LCT: variants seen among roughly 807,000 people sequenced by gnomAD.
The protein encoded by LCT is lactase/phlorizin hydrolase.
In LCT, 90 loss-of-function variants were observed where a neutral mutation model predicts 173.0. That is an observed-to-expected ratio of 0.52 (90% confidence interval 0.44 to 0.62). The LOEUF (loss-of-function observed/expected upper bound fraction) is 0.62, where lower values mean the gene tolerates loss of function less well. Among genes scored for constraint, LCT ranks in the 20% least tolerant of loss-of-function variants. LCT has a pLI of 0.00. For synonymous variants in LCT, 853 were observed against 957.6 expected (o/e 0.89, Z 2.02); for missense variants, 1,864 against 2,431.4 (o/e 0.77, Z 4.91).
chr2:135,821,855 C>A, intron 5 of LCT, 165 bp downstream of exon 5: 1 of 630,722 alleles, frequency 1.6e-6, no homozygotes, highest in South Asian at 1.8e-5. Context: ...GTAAGAGACT[C>A]CCTACTTTCT....
chr2:135,836,977 G>A lies in LCT; in HGVS notation c.193C>T (p.His65Tyr). 3.1e-6 allele frequency: 5 copies of A among 1,614,132 alleles called. No homozygotes were observed. Among genetic ancestry groups the A allele is most frequent in the Non-Finnish European group, 4.2e-6 (5 of 1,179,982 alleles). Residue 65 changes from histidine (H) to tyrosine (Y), a missense_variant, in exon 1 of 17, where the codon CAC (histidine) becomes TAC (tyrosine). By Grantham distance (83) the His-to-Tyr change is moderately conservative. This residue lies in a region of LCT where 412 missense variants were observed against 462.0 expected (regional missense o/e 0.89). Coordinates refer to ENST00000264162, the MANE Select transcript of LCT (RefSeq NM_002299.4). The part of the protein sequence containing the change: ...VAGDKDMYVC[H>Y]QPLPTFLPEY... ...GGCAGGAAAGTGGGCAGTGGCTGGT[G>A]ACAAACATACATGTCTTTGTCCCCT...
chr2:135,795,017 ACACACACACGCACCCACGCGCGCGCGCG>A (rs1027105525), intron 13 of LCT, among the ~76,000 whole-genome samples: 2 of 131,004 alleles, frequency 1.5e-5, no homozygotes, highest in Admixed American at 1.7e-4. Flanking sequence ...CTGAAGGACC[ACACACACACGCACCCACGCGCGCGCGCG>A]CACACACACA....
rs745390909 is a variant in LCT at position 135,808,836 on chromosome 2, T to C, written c.3511A>G (p.Lys1171Glu). Reference sequence around the variant, plus strand: ...TGCAGTTCACTCCTGTTCCCCACTTTCCACTTCATGGTGTCAGGATAGTCT... The same window carrying C: ...TGCAGTTCACTCCTGTTCCCCACTTCCCACTTCATGGTGTCAGGATAGTCT... Reference protein sequence around the residue: ...NGDYPDTMKWKVGNRSELQHL... With the variant: ...NGDYPDTMKWEVGNRSELQHL... The change falls in exon 8 of 17, where the codon AAA becomes GAA. Residue 1171 changes from lysine (K) to glutamate (E), a missense_variant. Transcript: ENST00000264162. 1.9e-6 allele frequency: 3 copies of C among 1,614,180 alleles called. No homozygotes were observed. The highest frequency in any genetic ancestry group is 2.5e-6 in the Non-Finnish European group (3 of 1,180,016).
Position 135,807,191 on chromosome 2 carries a change from A to G in LCT, c.4110T>C (p.Asp1370=). 1 of 1,612,572 alleles carries G rather than the reference A, an allele frequency of 6.2e-7. No individual in the cohort carries two copies. Among genetic ancestry groups the G allele is most frequent in the African/African-American group, 1.3e-5 (1 of 75,020 alleles). The change falls in exon 9 of 17, where the codon GAT becomes GAC. Residue 1370 remains aspartate, a synonymous_variant. Coordinates refer to ENST00000264162, the MANE Select transcript of LCT (RefSeq NM_002299.4). The part of the protein sequence containing the change: ...TNNGMPLARE[D]EFLYGRFPEG... ...CAGGAAACCGTCCGTACAGAAACTCATCCTCCCTGGCCAGTGGCATGCCGT... is the reference window on the plus strand; with the variant it reads ...CAGGAAACCGTCCGTACAGAAACTCGTCCTCCCTGGCCAGTGGCATGCCGT...
chr2:135,797,191 G>A (rs1399379267), intron 13 of LCT, among the ~76,000 whole-genome samples: 2 of 151,900 alleles, frequency 1.3e-5, no homozygotes, highest in African/African-American at 2.4e-5. Context: ...CAAGTGATCC[G>A]CCCACCTTGG....
At chr2:135,813,107 A>G (rs1347609084) in intron 6 of LCT, 151 bp from the exon 7 acceptor site, 1 of 726,586 alleles carries the variant, frequency 1.4e-6, no homozygotes, top group Non-Finnish European at 2.5e-6. Context: ...CAACATCAGC[A>G]CTAATGTTAA....
chr2:135,814,579 C>T (rs1463780056), intron 6 of LCT, among the ~76,000 whole-genome samples: 1 of 151,188 alleles, frequency 6.6e-6, no homozygotes, highest in Non-Finnish European at 1.5e-5. Flanking sequence ...TGCAGTGGCG[C>T]AATCTCGGCT....
intron 1 of LCT, 33 bp downstream of exon 1, chr2:135,836,497 C>T (rs376607339): frequency 1.1e-5 from 18 of 1,608,584 alleles, no homozygotes; most frequent in East Asian, 1.1e-4. Flanking sequence ...TGAAGGTTGC[C>T]GAGGGGTCAC....
At position 135,790,815 on chromosome 2, in the gene LCT, A is replaced by C. The variant is rs138470247; in HGVS notation, c.5178T>G (p.Pro1726=). The C allele has an allele frequency of 1.2e-6, 2 of 1,614,106 alleles. No homozygotes were observed. The highest frequency in any genetic ancestry group is 1.3e-5 in the African/African-American group (1 of 75,042). The change falls in exon 15 of 17, where the codon CCT becomes CCG. Residue 1726 remains proline (P), a synonymous_variant. Coordinates refer to ENST00000264162, the MANE Select transcript of LCT (RefSeq NM_002299.4). This position sits in a 1 kb window ranked among gnomAD's most constrained non-coding sequence, Gnocchi z 4.1. ...AGTTCAGGATCCTCCTGAAGCCAAA[A>C]GGCGTCATCTTCAGCCAGAAGGAGC... The part of the protein sequence containing the change: ...DSGSFWLKMT[P]FGFRRILNWL...
rs1382194696 is a variant in LCT, at chr2:135,808,809, G to T, written c.3538C>A (p.His1180Asn). The T allele has an allele frequency of 4.3e-6, 7 of 1,613,864 alleles. No homozygotes were observed. The highest frequency in any genetic ancestry group is 1.3e-5 in the African/African-American group (1 of 75,040). The change falls in exon 8 of 17, where the codon CAC becomes AAC. Residue 1180 changes from histidine to asparagine, a missense_variant. Physicochemically the swap from His to Asn is moderately conservative, Grantham distance 68. Transcript: ENST00000264162. ...CTTGGCAGGCGGGAGGTGGCTAAGTGCTGCAGTTCACTCCTGTTCCCCACT... is the reference window on the plus strand; with the variant it reads ...CTTGGCAGGCGGGAGGTGGCTAAGTTCTGCAGTTCACTCCTGTTCCCCACT... ...WKVGNRSELQ[H>N]LATSRLPSFT... is the part of the protein sequence containing the mutation.
intron 5 of LCT, 144 bp downstream of exon 5, chr2:135,821,874 CTT>C (rs1458716376): frequency 1.5e-6 from 1 of 661,288 alleles, no homozygotes; most frequent in South Asian, 1.7e-5. Flanking sequence ...CTTTCTGAGT[CTT>C]TGTTTCTCAT....
At chr2:135,807,554 G>T (rs1347343693) in intron 8 of LCT, among the ~76,000 whole-genome samples, 158 bp from the exon 9 acceptor site, 1 of 152,070 alleles carries the variant, frequency 6.6e-6, no homozygotes, top group Non-Finnish European at 1.5e-5. Flanking sequence ...TTACTTTTCT[G>T]CCAGTACCTA....
At chr2:135,807,860 G>T (rs1463583621) in intron 8 of LCT, among the ~76,000 whole-genome samples, 1 of 151,714 alleles carries the variant, frequency 6.6e-6, no homozygotes, top group Non-Finnish European at 1.5e-5. Context: ...GGGCACAGTG[G>T]CTCATGCCTG....
intron 6 of LCT, among the ~76,000 whole-genome samples, chr2:135,814,804 C>T (rs908413995): frequency 3.9e-5 from 6 of 152,066 alleles, no homozygotes; most frequent in South Asian, 2.1e-4. Flanking sequence ...TGTGAGCCAC[C>T]GCGCCTGGCC....
In LCT at chr2:135,836,549, G is replaced by A. The variant is rs369174474; in HGVS notation, c.621C>T (p.His207=). Residue 207 remains histidine (H), a synonymous_variant, in exon 1 of 17, where the codon CAC becomes CAT. Transcript: ENST00000264162. ...ACTCACCCTGAAAAGCATAGCTTTC[G>A]TGGTAAATCTCATAGGCTTTTCTGT... ...DAHRKAYEIY[H]ESYAFQGGKL... The A allele has an allele frequency of 1.1e-5, 18 of 1,614,014 alleles. No homozygotes were observed. Among genetic ancestry groups the A allele is most frequent in the Middle Eastern group, 3.3e-4 (2 of 6,084 alleles).
chr2:135,830,990 T>C (rs1273116557), intron 2 of LCT, among the ~76,000 whole-genome samples: 1 of 152,226 alleles, frequency 6.6e-6, no homozygotes, highest in East Asian at 1.9e-4. Context: ...CCCACACCAG[T>C]GGTTCTCATG....
intron 11 of LCT, 71 bp from the exon 12 acceptor site, chr2:135,800,880 C>T: frequency 1.7e-6 from 2 of 1,194,384 alleles, no homozygotes; most frequent in South Asian, 2.5e-5. Flanking sequence ...TAGTCCCTGC[C>T]TGCAGATGTC....
Position 135,809,535 on chromosome 2 carries a change from T to A in LCT, c.2812A>T (p.Thr938Ser). 1.9e-6 allele frequency: 3 copies of A among 1,614,246 alleles called. No homozygotes were observed. The highest frequency in any genetic ancestry group is 2.5e-6 in the Non-Finnish European group (3 of 1,180,046). ...TTGTCTTTCACATTGCTCCCTGGTGTGTGGGTAAAGTTATCCCAGATGCTG... is the reference window on the plus strand; with the variant it reads ...TTGTCTTTCACATTGCTCCCTGGTGAGTGGGTAAAGTTATCCCAGATGCTG... The part of the protein sequence containing the change: ...GPSIWDNFTH[T>S]PGSNVKDNAT... Residue 938 changes from threonine to serine, a missense_variant, in exon 8 of 17, where the codon ACA becomes TCA. Physicochemically the swap from Thr to Ser is moderately conservative, Grantham distance 58 (BLOSUM62 1). Around this residue, in one of 4 missense-constraint regions of LCT, gnomAD observed 755 missense variants for 926.3 expected, o/e 0.82. Coordinates refer to ENST00000264162, the MANE Select transcript of LCT (RefSeq NM_002299.4). This position sits in a 1 kb window ranked among gnomAD's most constrained non-coding sequence, Gnocchi z 5.5.
intron 1 of LCT, among the ~76,000 whole-genome samples, chr2:135,835,974 G>GTGTGTA (rs1353612150): frequency 2.3e-4 from 24 of 106,154 alleles, no homozygotes; most frequent in African/African-American, 6.3e-4. Context: ...AAATACATGT[G>GTGTGTA]TGTATATATA....
Sources: gnomAD v4.1 joint callset for allele counts (sites outside exome capture counted in the v4.1 genomes callset) on GRCh38, gnomAD v4.1.1 for gene constraint, gnomAD v4.1.1 regional missense constraint, Gnocchi (gnomAD v3.1) non-coding constraint, MANE v1.5 for transcripts, NCBI Gene and HGNC (gene_info 2026-07-23, HGNC 2026-07-21) for gene names.